DMD: variants seen among roughly 807,000 people sequenced by gnomAD.
DMD encodes dystrophin, also known as mutant dystrophin.
A neutral mutation model predicts 330.1 loss-of-function variants in DMD; 63 were observed. The ratio of observed to expected loss-of-function variants is 0.19; its 90% confidence interval spans 0.16 to 0.24. The LOEUF is 0.24. Ranked by LOEUF, DMD falls within the 10% of genes least tolerant of loss-of-function variation. DMD has a pLI of 1.00. For synonymous variants in DMD, 1,223 were observed against 959.8 expected (o/e 1.27, Z -5.07); for missense variants, 3,344 against 2,684.1 (o/e 1.25, Z -5.43).
intron 30 of DMD, among the ~76,000 whole-genome samples, chrX:32,393,532 A>C (rs995475441): frequency 4.5e-5 from 5 of 111,881 alleles, no homozygotes; most frequent in African/African-American, 1.6e-4. Flanking sequence ...ATAGGGAGGA[A>C]ATGCGACTGT....
At chrX:31,198,675 C>T (rs1364760277) in intron 67 of DMD, among the ~76,000 whole-genome samples, 1 of 112,277 alleles carries the variant, frequency 8.9e-6, no homozygotes, top group Non-Finnish European at 1.9e-5. Flanking sequence ...TACAGTGTCA[C>T]AAAGTAATGC....
At chrX:31,462,360 A>G (rs950480016) in intron 59 of DMD, among the ~76,000 whole-genome samples, 3 of 111,288 alleles carry the variant, frequency 2.7e-5, no homozygotes, top group Admixed American at 9.6e-5. Flanking sequence ...CATGCCTGTA[A>G]TCCCAGCTAC....
intron 59 of DMD, among the ~76,000 whole-genome samples, chrX:31,476,397 G>GTATATATATATATATATA (rs373498710): frequency 1.1e-5 from 1 of 88,334 alleles, no homozygotes; most frequent in African/African-American, 4.3e-5. Flanking sequence ...GTGTGTGTGT[G>GTATATATATATATATATA]TATATATATA....
chrX:31,355,745 C>T (rs930819148), intron 60 of DMD, among the ~76,000 whole-genome samples: 1 of 110,782 alleles, frequency 9.0e-6, no homozygotes, highest in African/African-American at 3.3e-5. Flanking sequence ...AAACATTATC[C>T]GGGAAACGCT....
chrX:32,881,790 G>A (rs929398756), intron 2 of DMD, among the ~76,000 whole-genome samples: 17 of 111,609 alleles, frequency 1.5e-4, no homozygotes, highest in African/African-American at 5.5e-4. Flanking sequence ...CTTCCTCAGA[G>A]CCATACCAAC....
chrX:33,026,524 C>G (rs1365675903), intron 1 of DMD, among the ~76,000 whole-genome samples: 4 of 109,152 alleles, frequency 3.7e-5, no homozygotes, highest in African/African-American at 1.3e-4. Context: ...AAATTTAGGA[C>G]ATATTTAGAA....
chrX:32,762,006 C>G (rs1372790118), intron 7 of DMD, among the ~76,000 whole-genome samples: 1 of 108,500 alleles, frequency 9.2e-6, no homozygotes, highest in Non-Finnish European at 1.9e-5. Flanking sequence ...AAAAATTAGC[C>G]AGGCATAGTT....
At chrX:31,877,111 GA>G (rs1057449587) in intron 47 of DMD, among the ~76,000 whole-genome samples, 5 of 111,588 alleles carry the variant, frequency 4.5e-5, no homozygotes, top group African/African-American at 9.8e-5. Flanking sequence ...AAGTTGTCGA[GA>G]AAAAAATCAA....
chrX:32,447,893 A>T (rs1013679577), intron 27 of DMD, among the ~76,000 whole-genome samples: 4 of 111,477 alleles, frequency 3.6e-5, no homozygotes, highest in Non-Finnish European at 7.6e-5. Flanking sequence ...CATCCATAAA[A>T]GTTAAAGCAG....
intron 43 of DMD, among the ~76,000 whole-genome samples, chrX:32,236,800 A>T (rs1183983071): frequency 4.5e-5 from 5 of 111,941 alleles, no homozygotes; most frequent in African/African-American, 9.7e-5. Flanking sequence ...GACTAATATG[A>T]AGTAATTTTT....
intron 52 of DMD, among the ~76,000 whole-genome samples, chrX:31,687,217 T>C (rs2082740160): frequency 9.0e-6 from 1 of 111,516 alleles, no homozygotes; most frequent in African/African-American, 3.3e-5. Flanking sequence ...GCTGGCTTCA[T>C]AGGTCACCCA....
chrX:31,665,279 T>C (rs1210988117), intron 53 of DMD, among the ~76,000 whole-genome samples: 2 of 111,852 alleles, frequency 1.8e-5, no homozygotes, highest in African/African-American at 3.2e-5. Context: ...TATAATAAAG[T>C]AAGGCATTTC....
chrX:32,868,950 A>T (rs1170031551), intron 2 of DMD, among the ~76,000 whole-genome samples: 2 of 111,827 alleles, frequency 1.8e-5, no homozygotes, highest in Non-Finnish European at 3.8e-5. Flanking sequence ...TGACTGGGTG[A>T]GACCCACCCC....
At chrX:33,222,656 TCTC>T (rs923858481) in intron 1 of DMD, among the ~76,000 whole-genome samples, 4 of 111,853 alleles carry the variant, frequency 3.6e-5, no homozygotes, top group Non-Finnish European at 7.5e-5. Context: ...CTATAAATAA[TCTC>T]CTAGAAATTA....
At chrX:32,888,400 C>T (rs2084876283) in intron 2 of DMD, among the ~76,000 whole-genome samples, 2 of 110,818 alleles carry the variant, frequency 1.8e-5, no homozygotes, top group South Asian at 7.7e-4. Flanking sequence ...AACAAATGGA[C>T]AACAGGTATA....
At chrX:31,642,453 T>C (rs984835892) in intron 54 of DMD, among the ~76,000 whole-genome samples, 2 of 112,153 alleles carry the variant, frequency 1.8e-5, no homozygotes, top group African/African-American at 6.5e-5. Flanking sequence ...ACATTTGCTG[T>C]TTAGATGTTG....
intron 30 of DMD, among the ~76,000 whole-genome samples, chrX:32,393,433 G>A (rs1217215301): frequency 9.0e-6 from 1 of 111,416 alleles, no homozygotes. Flanking sequence ...TTTTGATCAC[G>A]AAGATAAATT....
At chrX:31,192,645 A>G (rs999681167) in intron 67 of DMD, among the ~76,000 whole-genome samples, 5 of 112,225 alleles carry the variant, frequency 4.5e-5, no homozygotes, top group Non-Finnish European at 9.4e-5. Flanking sequence ...AAAGACACTT[A>G]GGGATAAGTA....
At chrX:32,730,359 A>G (rs1465392566) in intron 7 of DMD, among the ~76,000 whole-genome samples, 1 of 111,970 alleles carries the variant, frequency 8.9e-6, no homozygotes, top group African/African-American at 3.3e-5. Flanking sequence ...AAATAAATAA[A>G]ATGTAATGGT....
Sources: gnomAD v4.1 joint callset for allele counts (sites outside exome capture counted in the v4.1 genomes callset) on GRCh38, gnomAD v4.1.1 for gene constraint, MANE v1.5 for transcripts, NCBI Gene and HGNC (gene_info 2026-07-23, HGNC 2026-07-21) for gene names.